The following MDGA2 variants were observed in gnomAD, a reference collection of about 807,000 sequenced individuals.
The protein encoded by MDGA2 is MAM domain containing glycosylphosphatidylinositol anchor 2.
In MDGA2, 40 loss-of-function variants were observed where a neutral mutation model predicts 117.8. That is an observed-to-expected ratio of 0.34 (90% CI 0.26 to 0.44). The LOEUF (loss-of-function observed/expected upper bound fraction) is 0.44, where lower values mean the gene tolerates loss of function less well. Among genes scored for constraint, MDGA2 ranks in the 20% least tolerant of loss-of-function variants. The pLI, the probability that MDGA2 is intolerant of heterozygous loss-of-function variation, is 1.00. For missense variants in MDGA2, 1,123 were observed against 1,250.6 expected, an observed-to-expected ratio of 0.90 and a Z score of 1.54; for synonymous variants, 452 against 439.0, an observed-to-expected ratio of 1.03 and a Z score of -0.37.
At chr14:46,856,979 C>G (rs1033966216) in intron 14 of MDGA2, among the ~76,000 whole-genome samples, 1 of 152,000 alleles carries the variant, frequency 6.6e-6, no homozygotes, top group Non-Finnish European at 1.5e-5. Context: ...CCACTATTAC[C>G]TTATCCTATT....
intron 1 of MDGA2, among the ~76,000 whole-genome samples, chr14:47,386,794 A>C (rs1049940528): frequency 6.6e-6 from 1 of 152,210 alleles, no homozygotes; most frequent in Admixed American, 6.5e-5. Flanking sequence ...GTAACAGACT[A>C]TCTGTGAGCA....
intron 1 of MDGA2, among the ~76,000 whole-genome samples, chr14:47,616,312 G>A (rs1450906956): frequency 1.3e-5 from 2 of 152,166 alleles, no homozygotes; most frequent in African/African-American, 2.4e-5. Context: ...GAAGAGATAC[G>A]TTAACAGTGT....
intron 1 of MDGA2, among the ~76,000 whole-genome samples, chr14:47,448,222 C>A (rs1484586716): frequency 6.6e-6 from 1 of 151,950 alleles, no homozygotes; most frequent in African/African-American, 2.4e-5. Context: ...AAGATCTCTG[C>A]TCACTGCAAC....
At chr14:47,102,289 C>G (rs553121498) in intron 5 of MDGA2, among the ~76,000 whole-genome samples, 96 of 146,554 alleles carry the variant, frequency 6.6e-4, no homozygotes, top group Non-Finnish European at 9.0e-4. Flanking sequence ...AAGCTCAAGA[C>G]TTTTTTTTTT....
intron 14 of MDGA2, among the ~76,000 whole-genome samples, chr14:46,867,642 C>A (rs1051353752): frequency 1.3e-5 from 2 of 151,958 alleles, no homozygotes; most frequent in Non-Finnish European, 2.9e-5. Context: ...ATACCTGGTC[C>A]TTAATATTTC....
intron 1 of MDGA2, among the ~76,000 whole-genome samples, chr14:47,529,028 T>C (rs2138727685): frequency 6.7e-6 from 1 of 149,520 alleles, no homozygotes; most frequent in Non-Finnish European, 1.5e-5. Context: ...TGAGATGGAG[T>C]CTCCCTGTCT....
chr14:47,468,028 G>A (rs1893639686), intron 1 of MDGA2, among the ~76,000 whole-genome samples: 1 of 152,092 alleles, frequency 6.6e-6, no homozygotes, highest in Non-Finnish European at 1.5e-5. Flanking sequence ...GAAAGTAGTA[G>A]CTTACAGAAG....
At position 47,352,908 on chromosome 14, in the gene MDGA2, G is replaced by C. The variant is rs373642934; in HGVS notation, c.281-51358C>G. On this transcript the variant is annotated intron_variant, in intron 1 of 16. Transcript: ENST00000399232. ...TTTTGGCTTAAAAGAATTTAAATGA[G>C]ACACACAGCAAAGGAGATGCAGTAT... Among the ~76,000 whole-genome samples the C allele has an allele frequency of 1.5e-3, 233 of 152,172 alleles. 1 individual carries two copies. The highest frequency in any genetic ancestry group is 5.5e-3 in the African/African-American group (229 of 41,526).
At chr14:47,223,624 A>G (rs1007532353) in intron 2 of MDGA2, among the ~76,000 whole-genome samples, 2 of 152,270 alleles carry the variant, frequency 1.3e-5, no homozygotes, top group South Asian at 2.1e-4. Context: ...CTAAAATTTG[A>G]TAGTTACTTA....
Position 47,158,339 on chromosome 14 carries a change from T to C in MDGA2, c.596-14065A>G, listed in dbSNP as rs1184931293. On this transcript the variant is annotated intron_variant, in intron 3 of 16. Coordinates refer to ENST00000399232, the MANE Select transcript of MDGA2 (RefSeq NM_001113498.3). ...ATAATGAAATCATTTAAGGGCACAT[T>C]TCTCAGAACATATCCCTGGGGTGGG... is the stretch of plus-strand genomic sequence containing the variant. Among the ~76,000 whole-genome samples the C allele has an allele frequency of 4.0e-5, 6 of 149,372 alleles. No homozygotes were observed. The East Asian group carries it at 1.2e-3, about 30-fold the overall frequency.
intron 1 of MDGA2, among the ~76,000 whole-genome samples, chr14:47,571,817 T>C (rs920409563): frequency 3.3e-5 from 5 of 152,090 alleles, no homozygotes; most frequent in Non-Finnish European, 7.4e-5. Flanking sequence ...GATGACGGGT[T>C]GATGGGTGCA....
chr14:47,369,104 G>T (rs1402107891), intron 1 of MDGA2, among the ~76,000 whole-genome samples: 2 of 152,056 alleles, frequency 1.3e-5, no homozygotes, highest in East Asian at 1.9e-4. Context: ...TGCCTAGATA[G>T]ATATCTATTT....
At chr14:47,617,987 TGA>T (rs1163063201) in intron 1 of MDGA2, among the ~76,000 whole-genome samples, 1 of 152,192 alleles carries the variant, frequency 6.6e-6, no homozygotes, top group Non-Finnish European at 1.5e-5. Flanking sequence ...AAGCTGAATC[TGA>T]GAGTCTGAAT....
At chr14:46,993,560 C>G (rs1048254265) in intron 8 of MDGA2, among the ~76,000 whole-genome samples, 1 of 151,626 alleles carries the variant, frequency 6.6e-6, no homozygotes, top group Non-Finnish European at 1.5e-5. Flanking sequence ...CTCCCGAGTT[C>G]AAGAGATTCT....
chr14:47,229,188 G>A (rs1300377178), intron 2 of MDGA2, among the ~76,000 whole-genome samples: 1 of 152,058 alleles, frequency 6.6e-6, no homozygotes, highest in Non-Finnish European at 1.5e-5. Context: ...ATAAGCAGAA[G>A]TGTCATGTGG....
chr14:47,039,414 C>A (rs1888981913), intron 7 of MDGA2, among the ~76,000 whole-genome samples: 2 of 152,134 alleles, frequency 1.3e-5, no homozygotes, highest in African/African-American at 4.8e-5. Context: ...AAAACTATGT[C>A]TCATATCTGC....
chr14:47,242,752 C>T (rs917230579), intron 2 of MDGA2, among the ~76,000 whole-genome samples: 10 of 151,770 alleles, frequency 6.6e-5, no homozygotes, highest in Admixed American at 5.2e-4. Context: ...CTGTGCGGCC[C>T]GAGCCTCCCC....
At chr14:47,399,967 A>C (rs545080004) in intron 1 of MDGA2, among the ~76,000 whole-genome samples, 62 of 152,244 alleles carry the variant, frequency 4.1e-4, no homozygotes, top group Non-Finnish European at 7.6e-4. Context: ...AAAGGCTTAC[A>C]TATGGTATAA....
intron 2 of MDGA2, among the ~76,000 whole-genome samples, chr14:47,222,733 C>T (rs1214037241): frequency 6.6e-6 from 1 of 152,114 alleles, no homozygotes; most frequent in East Asian, 1.9e-4. Flanking sequence ...AGAGGTAGGA[C>T]AGGCATGCTA....
Sources: allele counts gnomAD v4.1 joint callset (sites outside exome capture counted in the v4.1 genomes callset), GRCh38; gene constraint gnomAD v4.1.1; transcripts MANE v1.5; gene names NCBI Gene and HGNC (gene_info 2026-07-23, HGNC 2026-07-21).